Variants in CACNA1E observed in about 807,000 individuals in gnomAD.
CACNA1E encodes voltage-dependent R-type calcium channel subunit alpha-1E.
CACNA1E carries 40 observed loss-of-function variants against 259.2 expected under a neutral mutation model. The ratio of observed to expected loss-of-function variants is 0.15; its 90% CI spans 0.12 to 0.20. CACNA1E has a LOEUF of 0.20. Among genes scored for constraint, CACNA1E ranks in the 10% least tolerant of loss-of-function variants. The pLI is 1.00. For missense variants in CACNA1E, 1,874 were observed against 3,040.1 expected (o/e 0.62, Z 9.02); for synonymous variants, 1,104 against 1,138.5 (o/e 0.97, Z 0.61).
chr1:181,583,103 TACACACACAC>T (rs34193608), intron 6 of CACNA1E, among the ~76,000 whole-genome samples: 55,170 of 144,970 alleles, frequency 0.38, 10,590 homozygotes, highest in Non-Finnish European at 0.42. Context: ...GGACTGTTCC[TACACACACAC>T]ACACACACAC....
chr1:181,397,037 T>G (rs1327607100), intron 1 of CACNA1E, among the ~76,000 whole-genome samples: 2 of 152,190 alleles, frequency 1.3e-5, no homozygotes, highest in Non-Finnish European at 2.9e-5. Context: ...GCTGCAGACC[T>G]GCTTTGTAGG....
chr1:181,733,467 C>T lies in CACNA1E; in HGVS notation c.2979C>T (p.Ser993=), dbSNP rs752775710. ...RTNSLMVSRG[S]GLAGGLDEAD... ...ACAGTCTGATGGTGTCCAGAGGCTC[C>T]GGGCTGGCAGGAGGCCTTGATGAGG... is the stretch of plus-strand genomic sequence containing the variant. The change falls in exon 21 of 48, where the codon TCC becomes TCT. Residue 993 remains serine, a synonymous_variant. Coordinates refer to ENST00000367573, the MANE Select transcript of CACNA1E (RefSeq NM_001205293.3). The T allele has an allele frequency of 2.1e-5, 32 of 1,554,036 alleles. No individual in the cohort carries two copies. The highest frequency in any genetic ancestry group is 1.6e-4 in the African/African-American group (12 of 73,380).
intron 1 of CACNA1E, among the ~76,000 whole-genome samples, chr1:181,355,074 A>G (rs1297913677): frequency 6.6e-6 from 1 of 152,164 alleles, no homozygotes; most frequent in African/African-American, 2.4e-5. Flanking sequence ...TTCTCAATAC[A>G]CATAAAATAG....
intron 7 of CACNA1E, among the ~76,000 whole-genome samples, chr1:181,657,469 A>G (rs560120080): frequency 2.0e-5 from 3 of 152,316 alleles, no homozygotes; most frequent in African/African-American, 7.2e-5. Flanking sequence ...GGGGAGTGAA[A>G]TTCAGGGGTT....
intron 2 of CACNA1E, among the ~76,000 whole-genome samples, chr1:181,417,205 CCA>C (rs1431490208): frequency 6.6e-6 from 1 of 152,114 alleles, no homozygotes; most frequent in Non-Finnish European, 1.5e-5. Context: ...ATCCCCTTCC[CCA>C]GTCATGTCAC....
intron 2 of CACNA1E, among the ~76,000 whole-genome samples, chr1:181,467,025 TAATGGGCAATTAC>T (rs1169813352): frequency 6.6e-6 from 1 of 152,196 alleles, no homozygotes; most frequent in Non-Finnish European, 1.5e-5. Context: ...AGCAGTGCAT[TAATGGGCAATTAC>T]TTTCTGCCCC....
At chr1:181,461,215 ATGAC>A (rs1661778622) in intron 2 of CACNA1E, among the ~76,000 whole-genome samples, 1 of 152,174 alleles carries the variant, frequency 6.6e-6, no homozygotes, top group Non-Finnish European at 1.5e-5. Context: ...CGGTTTATGA[ATGAC>A]TATGATAGTA....
In CACNA1E at chr1:181,418,955, C is replaced by T. The variant is rs182881150; in HGVS notation, c.434+5375C>T. Among the ~76,000 whole-genome samples the T allele has an allele frequency of 2.4e-3, 365 of 151,636 alleles. 3 individuals carry two copies. The highest frequency in any genetic ancestry group is 8.3e-3 in the African/African-American group (342 of 41,278). ...TGGTACCATTATTACCATTATTGTC[C>T]CCATTTTTGCACTTGGGGGATAGAG... On this transcript the variant is annotated intron_variant, in intron 2 of 11. Coordinates refer to the CACNA1E transcript ENST00000524607.
chr1:181,513,808 A>G (rs1666345891), intron 3 of CACNA1E, among the ~76,000 whole-genome samples: 1 of 152,182 alleles, frequency 6.6e-6, no homozygotes, highest in Admixed American at 6.5e-5. Flanking sequence ...TTCAAGAGTC[A>G]GTGCAGGTGC....
At chr1:181,576,631 G>C (rs908274793) in intron 3 of CACNA1E, among the ~76,000 whole-genome samples, 12 of 152,210 alleles carry the variant, frequency 7.9e-5, no homozygotes, top group African/African-American at 2.9e-4. Context: ...TTTGACTATA[G>C]AGGAACCCAG....
chr1:181,532,041 G>A (rs2102734597), intron 3 of CACNA1E, among the ~76,000 whole-genome samples: 1 of 152,246 alleles, frequency 6.6e-6, no homozygotes. Flanking sequence ...GGGCAACAGA[G>A]TGAAACTTCA....
chr1:181,448,929 C>T (rs1168626587), intron 2 of CACNA1E, among the ~76,000 whole-genome samples: 1 of 152,256 alleles, frequency 6.6e-6, no homozygotes, highest in Non-Finnish European at 1.5e-5. Flanking sequence ...CAAGCTGCCC[C>T]AGCCAGCACG....
At chr1:181,379,766 A>G (rs1655335435) in intron 1 of CACNA1E, among the ~76,000 whole-genome samples, 1 of 152,122 alleles carries the variant, frequency 6.6e-6, no homozygotes, top group Non-Finnish European at 1.5e-5. Context: ...ATTAGGTGTC[A>G]ACATATGAAT....
At chr1:181,513,531 A>G (rs1338175217) in intron 3 of CACNA1E, among the ~76,000 whole-genome samples, 2 of 152,208 alleles carry the variant, frequency 1.3e-5, no homozygotes, top group African/African-American at 2.4e-5. Flanking sequence ...ATCACATTTT[A>G]TGAGACATTT....
chr1:181,676,640 C>T lies in CACNA1E; in HGVS notation c.1055+25199C>T, dbSNP rs114089723. On this transcript the variant is annotated intron_variant, in intron 7 of 47. Transcript: ENST00000367573. ...AGCCCTCCTTAGTATATATGTGCTC[C>T]GGCTAGACTCCAACGAATAGCTGTT... Among the ~76,000 whole-genome samples the T allele has an allele frequency of 2.7e-3, 404 of 152,206 alleles. 3 individuals carry two copies. Among genetic ancestry groups the T allele is most frequent in the African/African-American group, 9.3e-3 (386 of 41,526 alleles).
At chr1:181,496,947 TG>T (rs1394210296) in intron 1 of CACNA1E, among the ~76,000 whole-genome samples, 1 of 152,108 alleles carries the variant, frequency 6.6e-6, no homozygotes, top group Non-Finnish European at 1.5e-5. Context: ...TTGAAGGGTG[TG>T]GGCTTGTCTG....
chr1:181,697,194 G>C (rs1474235891), intron 7 of CACNA1E, among the ~76,000 whole-genome samples: 1 of 152,202 alleles, frequency 6.6e-6, no homozygotes, highest in African/African-American at 2.4e-5. Context: ...AGAAAGAAGA[G>C]GAAAATACAC....
At chr1:181,662,068 G>C (rs1647741381) in intron 7 of CACNA1E, among the ~76,000 whole-genome samples, 1 of 152,156 alleles carries the variant, frequency 6.6e-6, no homozygotes, top group African/African-American at 2.4e-5. Context: ...TGACCAGAGT[G>C]GGGTGTTCAT....
At chr1:181,412,776 C>G (rs1489188816) in intron 1 of CACNA1E, among the ~76,000 whole-genome samples, 1 of 152,208 alleles carries the variant, frequency 6.6e-6, no homozygotes, top group African/African-American at 2.4e-5. Flanking sequence ...CTTATTGCAG[C>G]ACCTCTAAAC....
Sources: gnomAD v4.1 joint callset for allele counts (sites outside exome capture counted in the v4.1 genomes callset) on GRCh38, gnomAD v4.1.1 for gene constraint, MANE v1.5 for transcripts, NCBI Gene and HGNC (gene_info 2026-07-23, HGNC 2026-07-21) for gene names.